Variants in RAB1A observed in about 807,000 individuals in gnomAD.
RAB1A encodes RAB1A, member RAS oncogene family.
Under a neutral mutation model 26.0 loss-of-function variants are expected in RAB1A, and 2 were observed. The ratio of observed to expected loss-of-function variants is 0.08; its 90% CI spans 0.03 to 0.24. The LOEUF (loss-of-function observed/expected upper bound fraction) is 0.24, where lower values mean the gene tolerates loss of function less well. RAB1A is among the 10% of genes least tolerant of loss of function. The pLI is 1.00. For missense variants in RAB1A, 100 were observed against 247.0 expected, an observed-to-expected ratio of 0.40 and a Z score of 3.99; for synonymous variants, 84 against 84.9, an observed-to-expected ratio of 0.99 and a Z score of 0.06.
chr2:65,113,414 G>A (rs1669748236), intron 1 of RAB1A, among the ~76,000 whole-genome samples: 2 of 152,178 alleles, frequency 1.3e-5, no homozygotes, highest in South Asian at 4.1e-4. Flanking sequence ...GCTGAGGCAG[G>A]AGGGTAACTT....
chr2:65,114,617 G>C (rs1208352543), intron 1 of RAB1A, among the ~76,000 whole-genome samples: 1 of 152,258 alleles, frequency 6.6e-6, no homozygotes, highest in East Asian at 1.9e-4. Context: ...GCCGAGGCGG[G>C]TGGATCATGA....
intron 4 of RAB1A, 127 bp downstream of exon 4, chr2:65,090,856 T>A: frequency 2.0e-6 from 1 of 488,674 alleles, no homozygotes; most frequent in African/African-American, 2.0e-5. Flanking sequence ...TATTTGAGAG[T>A]GGACAAAGTT....
intron 2 of RAB1A, among the ~76,000 whole-genome samples, chr2:65,103,060 T>G (rs1056181943): frequency 6.6e-6 from 1 of 150,524 alleles, no homozygotes; most frequent in Non-Finnish European, 1.5e-5. Context: ...AAAAAGTGCT[T>G]TCTCCAGCAC....
At chr2:65,124,038 A>T (rs1433940199) in intron 1 of RAB1A, among the ~76,000 whole-genome samples, 1 of 152,062 alleles carries the variant, frequency 6.6e-6, no homozygotes, top group Non-Finnish European at 1.5e-5. Context: ...CCCAGGCTGG[A>T]GTGCAGTGGC....
rs753592329 is a variant in RAB1A, at chr2:65,129,927, T to TGCC, written c.-15_-13dup. On this transcript the variant is annotated 5_prime_UTR_variant, in exon 1 of 6. Transcript: ENST00000409784. ...TTCATGCTGGACATGTCACTGCAGCTGCCGCCGCCGCCACCGCCGCCCTTG... is the reference window on the plus strand; with the variant it reads ...TTCATGCTGGACATGTCACTGCAGCTGCCGCCGCCGCCGCCACCGCCGCCCTTG... The TGCC allele has an allele frequency of 3.2e-6, 5 of 1,585,540 alleles. No homozygotes were observed. Among genetic ancestry groups the TGCC allele is most frequent in the East Asian group, 2.3e-5 (1 of 43,138 alleles).
In RAB1A at chr2:65,087,353, T is replaced by A. The variant is rs1272862881; in HGVS notation, c.*1140A>T. 6.6e-6 allele frequency: 1 copy of A among 152,660 alleles called. No individual in the cohort carries two copies. Among genetic ancestry groups the A allele is most frequent in the African/African-American group, 2.4e-5 (1 of 41,456 alleles). The allele number at this position is 152,660 out of a possible 1,614,324, so 9.5% of individuals were successfully genotyped here. ...TTTTTAGGGATATAATTTCTAAATT[T>A]AGAGCAATCAAATTTCCTGCTTCCT... On this transcript the variant is annotated 3_prime_UTR_variant, in exon 6 of 6. Transcript: ENST00000409784.
At chr2:65,097,592 T>G (rs1472386686) in intron 3 of RAB1A, among the ~76,000 whole-genome samples, 3 of 152,158 alleles carry the variant, frequency 2.0e-5, no homozygotes, top group African/African-American at 7.2e-5. Flanking sequence ...ATATGAAGAA[T>G]CTCTTCCTAG....
At chr2:65,123,330 C>T (rs1187358035) in intron 1 of RAB1A, among the ~76,000 whole-genome samples, 1 of 151,628 alleles carries the variant, frequency 6.6e-6, no homozygotes, top group Non-Finnish European at 1.5e-5. Context: ...GCCACCACGC[C>T]CAGCTAATTT....
chr2:65,088,216 G>T lies in RAB1A; in HGVS notation c.*277C>A, dbSNP rs1208655759. On this transcript the variant is annotated 3_prime_UTR_variant, in exon 6 of 6. Transcript: ENST00000409784. ...CAAAATATATTCTAACCAACCACGG[G>T]AAACAGTCTGGTATCAGGAAAGCAA... 2 of 334,350 alleles carry T rather than the reference G, an allele frequency of 6.0e-6. No individual in the cohort carries two copies. Among genetic ancestry groups the T allele is most frequent in the Non-Finnish European group, 1.1e-5 (2 of 185,792 alleles). The allele number at this position is 334,350 out of a possible 1,614,324, so 20.7% of individuals were successfully genotyped here. A position where few individuals can be genotyped will look rare whatever the true frequency, so the allele number is the denominator to read the frequency against.
At chr2:65,097,407 A>G (rs1669314436) in intron 3 of RAB1A, among the ~76,000 whole-genome samples, 1 of 152,228 alleles carries the variant, frequency 6.6e-6, no homozygotes, top group Non-Finnish European at 1.5e-5. Flanking sequence ...TTCTACCAGT[A>G]ACTGTAGGCA....
At chr2:65,124,731 G>A (rs564916059) in intron 1 of RAB1A, among the ~76,000 whole-genome samples, 1 of 152,310 alleles carries the variant, frequency 6.6e-6, no homozygotes, top group South Asian at 2.1e-4. Flanking sequence ...ATAGGCATGA[G>A]CCACTGTGCC....
Position 65,090,680 on chromosome 2 carries a change from G to A in RAB1A, c.288+303C>T, listed in dbSNP as rs539832326. On this transcript the variant is annotated intron_variant, in intron 4 of 5. Transcript: ENST00000409784. ...ACACAGTATAAGCCAAGCAACTCAC[G>A]ATTCCCTACAAACTCTTGCCTATAT... Among the ~76,000 whole-genome samples, 12 of 152,222 alleles carry A rather than the reference G, an allele frequency of 7.9e-5. No homozygotes were observed. The East Asian group carries it at 2.1e-3, about 27-fold the overall frequency.
intron 1 of RAB1A, among the ~76,000 whole-genome samples, chr2:65,119,848 A>C (rs1444512293): frequency 6.8e-4 from 100 of 146,766 alleles, no homozygotes; most frequent in Non-Finnish European, 1.3e-3. Context: ...CTACAAAAAA[A>C]AAAAAAAAAA....
At chr2:65,106,076 T>G (rs1040140341) in intron 1 of RAB1A, among the ~76,000 whole-genome samples, 18 of 152,160 alleles carry the variant, frequency 1.2e-4, no homozygotes, top group African/African-American at 2.4e-5. Flanking sequence ...CAAGGCTCTC[T>G]TTATGTATCT....
intron 1 of RAB1A, among the ~76,000 whole-genome samples, chr2:65,114,523 G>C (rs927890025): frequency 3.3e-5 from 5 of 152,180 alleles, no homozygotes; most frequent in Admixed American, 6.5e-5. Context: ...CAAAGTTCCT[G>C]TGTTAGATAC....
Position 65,101,018 on chromosome 2 carries a change from C to T in RAB1A, c.97-2952G>A, listed in dbSNP as rs932875947. On this transcript the variant is annotated intron_variant, in intron 2 of 5. Coordinates refer to ENST00000409784, the MANE Select transcript of RAB1A (RefSeq NM_004161.5). ...AAAATTAGCCAGGCACAGTAGTACACGCCTGTAATACCAGCTACTCGGGAG... is the reference window on the plus strand; with the variant it reads ...AAAATTAGCCAGGCACAGTAGTACATGCCTGTAATACCAGCTACTCGGGAG... 4.0e-5 allele frequency among the ~76,000 whole-genome samples: 6 copies of T among 151,792 alleles called. No individual in the cohort carries two copies. The East Asian group carries it at 7.7e-4, about 20-fold the overall frequency.
At chr2:65,100,915 G>A (rs1034373643) in intron 2 of RAB1A, among the ~76,000 whole-genome samples, 15 of 151,994 alleles carry the variant, frequency 9.9e-5, no homozygotes, top group Admixed American at 3.9e-4. Context: ...GGGAGCAGAG[G>A]TGCACATATC....
chr2:65,126,891 G>C (rs530668921), intron 1 of RAB1A, among the ~76,000 whole-genome samples: 3 of 152,060 alleles, frequency 2.0e-5, no homozygotes, highest in Non-Finnish European at 2.9e-5. Context: ...AAGATAACAA[G>C]CTTCATTAAA....
intron 4 of RAB1A, among the ~76,000 whole-genome samples, chr2:65,090,510 ATCC>A (rs1456607335): frequency 6.6e-6 from 1 of 152,054 alleles, no homozygotes; most frequent in African/African-American, 2.4e-5. Flanking sequence ...TCATACTAAG[ATCC>A]TCCTACAGCT....
Sources: allele counts gnomAD v4.1 joint callset (sites outside exome capture counted in the v4.1 genomes callset), GRCh38; gene constraint gnomAD v4.1.1; transcripts MANE v1.5; gene names NCBI Gene and HGNC (gene_info 2026-07-23, HGNC 2026-07-21).